The following SUCLG2 variants were observed in gnomAD, a reference collection of about 807,000 sequenced individuals.
SUCLG2 encodes the protein succinate--CoA ligase [GDP-forming] subunit beta, mitochondrial.
A neutral mutation model predicts 47.9 loss-of-function variants in SUCLG2; 42 were observed. The ratio of observed to expected loss-of-function variants is 0.88; its 90% CI spans 0.69 to 1.14. SUCLG2 has a LOEUF of 1.14. Ranked by LOEUF, SUCLG2 falls within the 50% of genes most tolerant of loss-of-function variation. The pLI is 0.00. For synonymous variants in SUCLG2, 195 were observed against 197.3 expected (o/e 0.99, Z 0.10); for missense variants, 571 against 525.9 (o/e 1.09, Z -0.84).
chr3:67,519,000 T>C (rs1265715858), intron 5 of SUCLG2, among the ~76,000 whole-genome samples: 1 of 152,092 alleles, frequency 6.6e-6, no homozygotes, highest in Admixed American at 6.5e-5. Context: ...ATCACTGCAG[T>C]ATGAGTACAG....
intron 10 of SUCLG2, among the ~76,000 whole-genome samples, chr3:67,384,431 C>T (rs1702219646): frequency 6.6e-6 from 1 of 152,218 alleles, no homozygotes; most frequent in African/African-American, 2.4e-5. Flanking sequence ...ATGTCCATTC[C>T]TCTACCTATT....
At chr3:67,482,477 T>C (rs1704943849) in intron 9 of SUCLG2, among the ~76,000 whole-genome samples, 2 of 152,220 alleles carry the variant, frequency 1.3e-5, no homozygotes, top group Non-Finnish European at 2.9e-5. Flanking sequence ...CTTTTGTATT[T>C]TTTTACTTTA....
Position 67,581,752 on chromosome 3 carries a change from C to T in SUCLG2, c.226+27703G>A, listed in dbSNP as rs556944730. ...CAGAGACACTTCTTGGAGTATTAGG[C>T]TAAGGAGATGTGAGCACTAAAGTAC... is the stretch of plus-strand genomic sequence containing the variant. On this transcript the variant is annotated intron_variant, in intron 2 of 10. Transcript: ENST00000307227. 1.5e-3 allele frequency among the ~76,000 whole-genome samples: 222 copies of T among 152,212 alleles called. 1 individual carries two copies. Among genetic ancestry groups the T allele is most frequent in the Non-Finnish European group, 2.0e-3 (135 of 68,014 alleles).
At chr3:67,386,925 C>T (rs1479065834) in intron 10 of SUCLG2, among the ~76,000 whole-genome samples, 2 of 152,200 alleles carry the variant, frequency 1.3e-5, no homozygotes, top group Admixed American at 6.5e-5. Flanking sequence ...CATCCTTTGA[C>T]ATGAAGACTC....
chr3:67,540,359 G>C (rs1242314390), intron 2 of SUCLG2, among the ~76,000 whole-genome samples: 1 of 152,018 alleles, frequency 6.6e-6, no homozygotes, highest in Non-Finnish European at 1.5e-5. Context: ...TGCTTGGTGG[G>C]AGGAGGGGCA....
chr3:67,494,318 C>A (rs1705276348), intron 9 of SUCLG2, among the ~76,000 whole-genome samples: 1 of 152,142 alleles, frequency 6.6e-6, no homozygotes, highest in African/African-American at 2.4e-5. Flanking sequence ...GATACTCTAA[C>A]AATATTGAGA....
At chr3:67,393,524 C>T (rs558857157) in intron 10 of SUCLG2, among the ~76,000 whole-genome samples, 14 of 152,318 alleles carry the variant, frequency 9.2e-5, no homozygotes, top group South Asian at 6.2e-4. Context: ...CCAGGAAGCT[C>T]GAACTGGGTG....
chr3:67,384,951 C>T (rs1702230219), intron 10 of SUCLG2, among the ~76,000 whole-genome samples: 1 of 152,216 alleles, frequency 6.6e-6, no homozygotes, highest in South Asian at 2.1e-4. Flanking sequence ...GTAGTTCTGC[C>T]TCAGGACAGC....
intron 2 of SUCLG2, among the ~76,000 whole-genome samples, chr3:67,571,905 T>C (rs1707622338): frequency 1.3e-5 from 2 of 152,188 alleles, no homozygotes. Context: ...TATCACCACT[T>C]ATGGGTGGCT....
intron 1 of SUCLG2, among the ~76,000 whole-genome samples, chr3:67,618,717 T>A (rs1575820951): frequency 6.6e-6 from 1 of 152,208 alleles, no homozygotes; most frequent in East Asian, 1.9e-4. Flanking sequence ...CTGCCATTCC[T>A]GACCTAAAAT....
chr3:67,524,387 A>G (rs1313213768), intron 4 of SUCLG2, among the ~76,000 whole-genome samples: 2 of 152,212 alleles, frequency 1.3e-5, no homozygotes, highest in African/African-American at 4.8e-5. Context: ...CGTACAAACT[A>G]TTTGTAACAC....
chr3:67,596,849 A>T (rs1708305589), intron 2 of SUCLG2, among the ~76,000 whole-genome samples: 1 of 152,212 alleles, frequency 6.6e-6, no homozygotes, highest in Non-Finnish European at 1.5e-5. Flanking sequence ...AATACTGAGC[A>T]ATACTGATGT....
At chr3:67,414,957 G>C (rs2106844973) in intron 9 of SUCLG2, among the ~76,000 whole-genome samples, 1 of 152,284 alleles carries the variant, frequency 6.6e-6, no homozygotes, top group East Asian at 1.9e-4. Context: ...TCAGGCTCAA[G>C]TGATCCCACC....
chr3:67,573,133 G>A (rs1476783644), intron 2 of SUCLG2, among the ~76,000 whole-genome samples: 2 of 152,110 alleles, frequency 1.3e-5, no homozygotes, highest in Non-Finnish European at 2.9e-5. Flanking sequence ...ACATACGCTT[G>A]AAAACCACAA....
exon 11 of SUCLG2, chr3:67,360,734 G>T (rs780268252): frequency 3.3e-6 from 5 of 1,529,840 alleles, no homozygotes; most frequent in Non-Finnish European, 4.4e-6. Flanking sequence ...CTTGTTTTAT[G>T]TGCATATAAC....
At chr3:67,614,483 A>G (rs1336794179) in intron 1 of SUCLG2, among the ~76,000 whole-genome samples, 1 of 151,732 alleles carries the variant, frequency 6.6e-6, no homozygotes, top group African/African-American at 2.4e-5. Flanking sequence ...GGCTCACGGA[A>G]GATTCCTGCT....
intron 2 of SUCLG2, among the ~76,000 whole-genome samples, chr3:67,554,270 C>T (rs554660729): frequency 6.6e-6 from 1 of 152,224 alleles, no homozygotes; most frequent in African/African-American, 2.4e-5. Context: ...AGTCAGCTAC[C>T]CTCTGTAAGG....
At chr3:67,382,254 C>A (rs1305453938) in intron 10 of SUCLG2, among the ~76,000 whole-genome samples, 1 of 152,188 alleles carries the variant, frequency 6.6e-6, no homozygotes, top group Non-Finnish European at 1.5e-5. Flanking sequence ...CCCCATTTTA[C>A]AGGAGAGGCA....
At chr3:67,391,474 G>A (rs1187133237) in intron 10 of SUCLG2, among the ~76,000 whole-genome samples, 3 of 152,126 alleles carry the variant, frequency 2.0e-5, no homozygotes, top group Non-Finnish European at 4.4e-5. Context: ...TTTAGAGGCA[G>A]CCATAGAGTT....
Sources: gnomAD v4.1 joint callset for allele counts (sites outside exome capture counted in the v4.1 genomes callset) on GRCh38, gnomAD v4.1.1 for gene constraint, MANE v1.5 for transcripts, NCBI Gene and HGNC (gene_info 2026-07-23, HGNC 2026-07-21) for gene names.